BORCS5: variants seen among roughly 807,000 people sequenced by gnomAD.
BORCS5 encodes BLOC-1-related complex subunit 5.
A neutral mutation model predicts 22.1 loss-of-function variants in BORCS5; 17 were observed. That is an observed-to-expected ratio of 0.77 (90% CI 0.53 to 1.15). The LOEUF (loss-of-function observed/expected upper bound fraction) is 1.15, where lower values mean the gene tolerates loss of function less well. Ranked by LOEUF, BORCS5 falls within the 50% of genes most tolerant of loss-of-function variation. The pLI is 0.00. For synonymous variants in BORCS5, 117 were observed against 99.8 expected (o/e 1.17, Z -1.03); for missense variants, 247 against 253.2 (o/e 0.98, Z 0.17).
intron 3 of BORCS5, among the ~76,000 whole-genome samples, chr12:12,445,496 C>CTT (rs5796492): frequency 2.0e-4 from 9 of 45,772 alleles, no homozygotes; most frequent in Admixed American, 7.6e-4. Flanking sequence ...ACATGCATTG[C>CTT]TTTTTTTTTT....
intron 3 of BORCS5, among the ~76,000 whole-genome samples, chr12:12,449,239 T>G (rs140053565): frequency 6.6e-6 from 1 of 152,272 alleles, no homozygotes; most frequent in Non-Finnish European, 1.5e-5. Context: ...GCTGGGGTGC[T>G]TGGTTACAGA....
chr12:12,463,331 T>A (rs1299445457), intron 3 of BORCS5, among the ~76,000 whole-genome samples: 3 of 152,214 alleles, frequency 2.0e-5, no homozygotes, highest in African/African-American at 7.2e-5. Context: ...TTGCACCAAG[T>A]TGAGACTTTC....
At chr12:12,415,700 C>G (rs1327450060) in intron 2 of BORCS5, among the ~76,000 whole-genome samples, 1 of 151,662 alleles carries the variant, frequency 6.6e-6, no homozygotes, top group Non-Finnish European at 1.5e-5. Context: ...GGTGTATAAT[C>G]CTTTTATATG....
At chr12:12,418,963 T>C (rs1188997143) in intron 2 of BORCS5, among the ~76,000 whole-genome samples, 1 of 152,224 alleles carries the variant, frequency 6.6e-6, no homozygotes, top group Non-Finnish European at 1.5e-5. Flanking sequence ...TGTATTGCTG[T>C]CGTCTTCTGT....
In BORCS5 at chr12:12,468,833, A is replaced by G. The variant is rs887699617; in HGVS notation, c.*3057A>G. The G allele has an allele frequency of 6.6e-6, 1 of 152,202 alleles. No homozygotes were observed. The highest frequency in any genetic ancestry group is 2.4e-5 in the African/African-American group (1 of 41,454). 9.4% of individuals were successfully genotyped at this position (152,202 alleles called of 1,614,324 possible). ...CCTGGTCAAAGTGGAAGGTTGGTAG[A>G]AACTGGCCTTCATGTCTTTGTTTCC... is the stretch of plus-strand genomic sequence containing the variant. On this transcript the variant is annotated 3_prime_UTR_variant, in exon 4 of 4. Transcript: ENST00000314565.
chr12:12,371,361 C>G (rs183417135), intron 2 of BORCS5, among the ~76,000 whole-genome samples: 1 of 152,116 alleles, frequency 6.6e-6, no homozygotes, highest in Non-Finnish European at 1.5e-5. Context: ...GGCACAATCA[C>G]GGCTCACTGC....
chr12:12,361,126 T>C (rs1156348882), intron 1 of BORCS5, 80 bp from the exon 2 acceptor site: 13 of 1,394,328 alleles, frequency 9.3e-6, no homozygotes, highest in South Asian at 2.5e-5. Flanking sequence ...TTATTCTTTT[T>C]AATCACTACA....
At chr12:12,427,463 A>G (rs1942317750) in intron 2 of BORCS5, among the ~76,000 whole-genome samples, 1 of 152,020 alleles carries the variant, frequency 6.6e-6, no homozygotes, top group Admixed American at 6.6e-5. Flanking sequence ...TACAGGCGTG[A>G]GCCACCGCGC....
intron 2 of BORCS5, among the ~76,000 whole-genome samples, chr12:12,414,266 T>C (rs1941846273): frequency 2.0e-5 from 1 of 51,258 alleles, no homozygotes; most frequent in Non-Finnish European, 3.8e-5. Flanking sequence ...GGCTCCTCAC[T>C]TCCCAGTAGG....
At chr12:12,454,414 T>C (rs921095567) in intron 3 of BORCS5, among the ~76,000 whole-genome samples, 2 of 152,246 alleles carry the variant, frequency 1.3e-5, no homozygotes, top group Non-Finnish European at 2.9e-5. Flanking sequence ...TTGATTGCAC[T>C]TTTCTAATGT....
chr12:12,432,582 A>G (rs1565908864), intron 2 of BORCS5, among the ~76,000 whole-genome samples: 2 of 152,258 alleles, frequency 1.3e-5, no homozygotes. Flanking sequence ...GACTGCTCAC[A>G]GCAGACTTGT....
chr12:12,381,351 A>T (rs941696564), intron 2 of BORCS5, among the ~76,000 whole-genome samples: 1 of 151,276 alleles, frequency 6.6e-6, no homozygotes, highest in African/African-American at 2.4e-5. Context: ...TAGGCCTGTG[A>T]TCCTTTTTGG....
chr12:12,413,858 G>C (rs1207108704), intron 2 of BORCS5, among the ~76,000 whole-genome samples: 2 of 68,946 alleles, frequency 2.9e-5, no homozygotes, highest in South Asian at 6.5e-4. Context: ...CCTCCCTCCC[G>C]GACGGGGTGG....
At chr12:12,433,322 CAAAAAAA>C (rs34833037) in intron 2 of BORCS5, among the ~76,000 whole-genome samples, 17 of 40,700 alleles carry the variant, frequency 4.2e-4, no homozygotes, top group Middle Eastern at 0.056. Flanking sequence ...GACTGTGTCT[CAAAAAAA>C]AAAAAAAAAA....
chr12:12,419,215 C>T (rs1010060782), intron 2 of BORCS5, among the ~76,000 whole-genome samples: 1 of 152,252 alleles, frequency 6.6e-6, no homozygotes, highest in Non-Finnish European at 1.5e-5. Context: ...CCCTGACAGG[C>T]CCCGGTGTAT....
intron 2 of BORCS5, among the ~76,000 whole-genome samples, chr12:12,433,087 A>T (rs771235254): frequency 1.1e-4 from 16 of 152,194 alleles, no homozygotes; most frequent in Non-Finnish European, 2.1e-4. Context: ...TAATCCCAGC[A>T]CTTTGGAAGG....
intron 3 of BORCS5, among the ~76,000 whole-genome samples, chr12:12,449,855 G>A (rs1384083799): frequency 2.0e-5 from 3 of 152,198 alleles, no homozygotes; most frequent in African/African-American, 7.2e-5. Flanking sequence ...ACGTAATTCA[G>A]AAGGAAGCAG....
intron 3 of BORCS5, among the ~76,000 whole-genome samples, chr12:12,459,624 T>C (rs1943066291): frequency 6.6e-6 from 1 of 152,178 alleles, no homozygotes; most frequent in South Asian, 2.1e-4. Flanking sequence ...TAGCAAAGAT[T>C]TTTCTCCTAT....
At chr12:12,431,129 G>A (rs1592121654) in intron 2 of BORCS5, among the ~76,000 whole-genome samples, 1 of 152,130 alleles carries the variant, frequency 6.6e-6, no homozygotes, top group Admixed American at 6.5e-5. Flanking sequence ...TTGTAATTTT[G>A]TTATCCATGC....
Sources: allele counts gnomAD v4.1 joint callset (sites outside exome capture counted in the v4.1 genomes callset), GRCh38; gene constraint gnomAD v4.1.1; transcripts MANE v1.5; gene names NCBI Gene and HGNC (gene_info 2026-07-23, HGNC 2026-07-21).